The following NBPF26 variants were observed in gnomAD, a reference collection of about 807,000 sequenced individuals.
The protein encoded by NBPF26 is NBPF family member NBPF26.
NBPF26 carries 79 observed loss-of-function variants against 119.6 expected under a neutral mutation model. The ratio of observed to expected loss-of-function variants is 0.66; its 90% confidence interval spans 0.55 to 0.80. NBPF26 has a LOEUF of 0.80. Ranked by LOEUF, NBPF26 falls within the 30% of genes least tolerant of loss-of-function variation. The pLI, the probability that NBPF26 is intolerant of heterozygous loss-of-function variation, is 0.00. For synonymous variants in NBPF26, 299 were observed against 457.7 expected, an observed-to-expected ratio of 0.65 and a Z score of 4.43; for missense variants, 800 against 1,198.2, an observed-to-expected ratio of 0.67 and a Z score of 4.91.
At chr1:120,840,059 A>G (rs1182862873) in intron 29 of NBPF26, among the ~76,000 whole-genome samples, 2 of 64,998 alleles carry the variant, frequency 3.1e-5, no homozygotes, top group Non-Finnish European at 5.3e-5. Context: ...TCATGAGGGC[A>G]CTAACTCAGA....
exon 4 of NBPF26, chr1:120,793,262 G>T (rs1651513335): frequency 6.4e-6 from 9 of 1,397,150 alleles, no homozygotes; most frequent in Non-Finnish European, 8.7e-6. Flanking sequence ...ATGCCTCACA[G>T]GCTTCACAGG....
chr1:120,794,080 G>A (rs1349131250), intron 4 of NBPF26, among the ~76,000 whole-genome samples: 1 of 103,062 alleles, frequency 9.7e-6, no homozygotes, highest in Non-Finnish European at 1.8e-5. Context: ...TTCTGAAACT[G>A]AGGAGGGGAT....
At position 120,791,449 on chromosome 1, in the gene NBPF26, A is replaced by G. The variant is rs1651492941; in HGVS notation, c.416-1712A>G. Among the ~76,000 whole-genome samples, 2 of 104,910 alleles carry G rather than the reference A, an allele frequency of 1.9e-5. 1 individual carries two copies. The highest frequency in any genetic ancestry group is 1.3e-4 in the African/African-American group (2 of 15,920). 68.8% of individuals were successfully genotyped at this position (104,910 alleles called of 152,430 possible). On this transcript the variant is annotated intron_variant, in intron 3 of 29. Transcript: ENST00000620612. Reference sequence around the variant, plus strand: ...TAAGAAAATGTGGCACATATACACCATGGAATACTATTCAGCCATAAAAAA... The same window carrying G: ...TAAGAAAATGTGGCACATATACACCGTGGAATACTATTCAGCCATAAAAAA...
At chr1:120,810,079 C>T (rs1420035244) in intron 8 of NBPF26, among the ~76,000 whole-genome samples, 196 bp downstream of exon 8, 1 of 129,376 alleles carries the variant, frequency 7.7e-6, no homozygotes, top group Non-Finnish European at 1.6e-5. Context: ...ATGTCTGTAC[C>T]ATACAGGGAT....
chr1:120,840,889 G>A (rs1271762651), downstream of NBPF26: 1 of 460,658 alleles, frequency 2.2e-6, no homozygotes, highest in South Asian at 2.6e-5. Context: ...CCTCAGGGAT[G>A]TCATTTTGCA....
At chr1:120,833,449 C>G (rs1652406880) in intron 23 of NBPF26, among the ~76,000 whole-genome samples, 154 bp from the exon 28 acceptor site, 4 of 99,668 alleles carry the variant, frequency 4.0e-5, no homozygotes, top group Non-Finnish European at 5.4e-5. Context: ...TGGCCCTGTT[C>G]TATCCCAACA....
Position 120,764,074 on chromosome 1 carries a change from C to T in NBPF26, c.155+365C>T, listed in dbSNP as rs1423101323. Among the ~76,000 whole-genome samples, 34 of 109,726 alleles carry T rather than the reference C, an allele frequency of 3.1e-4. 9 individuals carry two copies. Among genetic ancestry groups the T allele is most frequent in the African/African-American group, 1.8e-3 (33 of 18,592 alleles). 72.0% of individuals were successfully genotyped at this position (109,726 alleles called of 152,430 possible). A position where few individuals can be genotyped will look rare whatever the true frequency, so the allele number is the denominator to read the frequency against. ...TCAGCCTGGCCAACATAGTGAAACC[C>T]TATCTCTACTAAAAATACAAAAATT... On this transcript the variant is annotated intron_variant, in intron 2 of 29. Transcript: ENST00000620612.
rs1171158325 is a variant in NBPF26 at position 120,724,753 on chromosome 1, G to A, written c.73+503G>A. Among the ~76,000 whole-genome samples, 9 of 118,528 alleles carry A rather than the reference G, an allele frequency of 7.6e-5. 3 individuals are homozygous for A. In the East Asian group the frequency reaches 1.9e-3, roughly 25 times the overall value. 77.8% of individuals were successfully genotyped at this position (118,528 alleles called of 152,430 possible). On this transcript the variant is annotated intron_variant, in intron 1 of 29. Transcript: ENST00000620612. ...GGGGCGGCACATGGGCCGGGTGTGT[G>A]GGCTTGGTTTGGATGGGGACGGGGT...
At position 120,785,028 on chromosome 1, in the gene NBPF26, G is replaced by A; in HGVS notation, c.210G>A (p.Lys70=). The stretch of plus-strand genomic sequence containing the variant: ...GTCAACATCGAGACCCCTGTGAGAA[G>A]AACCGCTGCCAGAATGGTGGGACTT... The change falls in exon 3 of 30, where the codon AAG becomes AAA. Residue 70 remains lysine (K), a synonymous_variant. Transcript: ENST00000620612. 2.1e-6 allele frequency: 3 copies of A among 1,437,118 alleles called. 1 individual carries two copies. The highest frequency in any genetic ancestry group is 9.3e-7 in the Non-Finnish European group (1 of 1,074,540). The allele number at this position is 1,437,118 out of a possible 1,614,324, so 89.0% of individuals were successfully genotyped here. A position where few individuals can be genotyped will look rare whatever the true frequency, so the allele number is the denominator to read the frequency against.
intron 18 of NBPF26, among the ~76,000 whole-genome samples, chr1:120,824,429 G>T (rs1314967065): frequency 8.8e-6 from 1 of 113,682 alleles, no homozygotes; most frequent in Non-Finnish European, 1.7e-5. Context: ...ACACAACTCT[G>T]ATTTTGTCTC....
chr1:120,840,635 G>T (rs1553273609), downstream of NBPF26: 42 of 1,451,688 alleles, frequency 2.9e-5, 10 homozygotes, highest in Middle Eastern at 2.4e-4. Context: ...CTGCAGGCAG[G>T]ACCTATAGGC....
exon 30 of NBPF26, chr1:120,840,550 G>T: frequency 6.8e-7 from 1 of 1,467,350 alleles, no homozygotes; most frequent in Middle Eastern, 2.4e-4. Flanking sequence ...ACGGTGACAA[G>T]TCTCCACCTG....
rs1361351086 is a variant in NBPF26, at chr1:120,777,676, AG to A, written c.156-7291del. ...TTTTCTTTCTTTTTTTTTTGAGAGA[AG>A]GGGGGGTTGAGAGTAGAGTGGGAAT... On this transcript the variant is annotated intron_variant, in intron 2 of 29. Coordinates refer to ENST00000620612, the Ensembl canonical transcript of NBPF26. Among the ~76,000 whole-genome samples the A allele has an allele frequency of 1.3e-3, 89 of 67,234 alleles. 25 individuals are homozygous for A. Among genetic ancestry groups the A allele is most frequent in the African/African-American group, 0.01 (83 of 8,098 alleles). The allele number at this position is 67,234 out of a possible 152,430, so 44.1% of individuals were successfully genotyped here. A position where few individuals can be genotyped will look rare whatever the true frequency, so the allele number is the denominator to read the frequency against.
At chr1:120,726,307 C>T (rs1435127549) in intron 1 of NBPF26, among the ~76,000 whole-genome samples, 3,599 of 29,054 alleles carry the variant, frequency 0.12, 1,462 homozygotes, top group Middle Eastern at 0.22. Context: ...TCTTTAGATG[C>T]TAAACTAATG....
At chr1:120,800,500 G>T (rs1651572360) in intron 4 of NBPF26, among the ~76,000 whole-genome samples, 1 of 38,532 alleles carries the variant, frequency 2.6e-5, no homozygotes, top group Admixed American at 2.3e-4. Context: ...ATATTTCTTG[G>T]ATATATACCT....
chr1:120,781,780 G>A (rs1217753954), intron 2 of NBPF26, among the ~76,000 whole-genome samples: 8,601 of 115,726 alleles, frequency 0.074, 1,973 homozygotes, highest in Non-Finnish European at 0.1. Context: ...GGATGGTCTC[G>A]ATCTCCTGAC....
chr1:120,783,950 A>G (rs1235968557), intron 2 of NBPF26, among the ~76,000 whole-genome samples: 1 of 108,610 alleles, frequency 9.2e-6, no homozygotes, highest in Non-Finnish European at 1.7e-5. Context: ...GAGGAAAGTC[A>G]TTGTTTTTAG....
In NBPF26 at chr1:120,802,576, C is replaced by A. The variant is rs1553269093; in HGVS notation, c.752-2980C>A. Among the ~76,000 whole-genome samples, 2 of 121,708 alleles carry A rather than the reference C, an allele frequency of 1.6e-5. 1 individual carries two copies. Among genetic ancestry groups the A allele is most frequent in the Admixed American group, 1.6e-4 (2 of 12,798 alleles). 79.8% of individuals were successfully genotyped at this position (121,708 alleles called of 152,430 possible). A position where few individuals can be genotyped will look rare whatever the true frequency, so the allele number is the denominator to read the frequency against. ...AGCCCTAGTTTCAAATTCAAGCATG[C>A]TTTGAATATAAATTAAGTTTACCTC... On this transcript the variant is annotated intron_variant, in intron 4 of 29. Coordinates refer to ENST00000620612, the Ensembl canonical transcript of NBPF26.
chr1:120,816,855 A>G (rs1652018639), intron 14 of NBPF26, 28 bp downstream of exon 14: 1 of 1,450,056 alleles, frequency 6.9e-7, no homozygotes, highest in Non-Finnish European at 9.2e-7. Flanking sequence ...TGTGTCTCAT[A>G]CCTCTTTCTT....
Sources: gnomAD v4.1 joint callset for allele counts (sites outside exome capture counted in the v4.1 genomes callset) on GRCh38, gnomAD v4.1.1 for gene constraint, MANE v1.5 for transcripts, NCBI Gene and HGNC (gene_info 2026-07-23, HGNC 2026-07-21) for gene names.